Variants in MTHFD1L observed in about 807,000 individuals in gnomAD.
MTHFD1L encodes the protein monofunctional C1-tetrahydrofolate synthase, mitochondrial.
In MTHFD1L, 81 loss-of-function variants were observed where a neutral mutation model predicts 119.5. The observed-to-expected ratio is 0.68, with a 90% CI of 0.57 to 0.82. The LOEUF is 0.82. MTHFD1L is among the 40% of genes least tolerant of loss of function. The pLI, the probability that MTHFD1L is intolerant of heterozygous loss-of-function variation, is 0.00. For missense variants in MTHFD1L, 1,125 were observed against 1,253.4 expected (o/e 0.90, Z 1.55); for synonymous variants, 430 against 475.2 (o/e 0.90, Z 1.24).
intron 13 of MTHFD1L, among the ~76,000 whole-genome samples, chr6:150,941,863 A>G (rs1210520535): frequency 6.6e-6 from 1 of 152,198 alleles, no homozygotes; most frequent in South Asian, 2.1e-4. Flanking sequence ...CTTACATTCC[A>G]GTTGTGAAAT....
intron 17 of MTHFD1L, among the ~76,000 whole-genome samples, chr6:150,957,021 A>G (rs1795747292): frequency 6.6e-6 from 1 of 152,218 alleles, no homozygotes; most frequent in Admixed American, 6.5e-5. Context: ...AATTAGATTG[A>G]TGATTAAAAG....
At chr6:150,919,195 A>C (rs1199014006) in intron 9 of MTHFD1L, among the ~76,000 whole-genome samples, 1 of 151,344 alleles carries the variant, frequency 6.6e-6, no homozygotes, top group Non-Finnish European at 1.5e-5. Flanking sequence ...TGGTTAACTT[A>C]GAAAGAAAAC....
intron 20 of MTHFD1L, among the ~76,000 whole-genome samples, chr6:150,978,655 GCC>G (rs1257810973): frequency 6.6e-6 from 1 of 152,054 alleles, no homozygotes; most frequent in African/African-American, 2.4e-5. Context: ...CATTAAAAAC[GCC>G]CCCGTTTCTG....
Position 150,971,972 on chromosome 6 carries a change from G to A in MTHFD1L, c.2039G>A (p.Gly680Asp). Residue 680 changes from glycine to aspartate, a missense_variant, in exon 20 of 28, where the codon GGC becomes GAC. Transcript: ENST00000367321. ...LEGTPVFVHAGPFANIAHGNS... is the reference protein window; with the variant it reads ...LEGTPVFVHADPFANIAHGNS... The stretch of plus-strand genomic sequence containing the variant: ...GGGACACCTGTGTTCGTGCATGCGG[G>A]CCCTTTTGCTAACATTGCTCACGGC... 1 of 1,614,124 alleles carries A rather than the reference G, an allele frequency of 6.2e-7. No individual in the cohort carries two copies. Among genetic ancestry groups the A allele is most frequent in the East Asian group, 2.2e-5 (1 of 44,884 alleles).
intron 1 of MTHFD1L, chr6:150,866,329 C>A (rs1156651579): frequency 6.9e-7 from 1 of 1,454,624 alleles, no homozygotes. Context: ...GCACGCCCGG[C>A]TCCACGTGCG....
At chr6:151,004,248 G>C (rs548352786) in intron 20 of MTHFD1L, among the ~76,000 whole-genome samples, 1 of 151,896 alleles carries the variant, frequency 6.6e-6, no homozygotes, top group Non-Finnish European at 1.5e-5. Context: ...TCACTTGAAC[G>C]TGGGAGGCGG....
intron 24 of MTHFD1L, chr6:151,016,745 A>G (rs577180090): frequency 2.3e-5 from 8 of 354,688 alleles, no homozygotes; most frequent in Admixed American, 1.9e-4. Flanking sequence ...AAATATATAT[A>G]TAACAAAATT....
intron 11 of MTHFD1L, among the ~76,000 whole-genome samples, chr6:150,930,440 A>G (rs889378457): frequency 6.6e-6 from 1 of 152,182 alleles, no homozygotes; most frequent in Admixed American, 6.5e-5. Flanking sequence ...CATTAAATGG[A>G]GAATTATTTC....
At chr6:151,022,404 G>A in intron 24 of MTHFD1L, 1 of 189,988 alleles carries the variant, frequency 5.3e-6, no homozygotes, top group Non-Finnish European at 1.1e-5. Flanking sequence ...CTTCCATTGT[G>A]GTAAAAATAT....
chr6:151,045,366 G>A (rs1562589235), intron 26 of MTHFD1L, among the ~76,000 whole-genome samples: 1 of 152,060 alleles, frequency 6.6e-6, no homozygotes, highest in Non-Finnish European at 1.5e-5. Context: ...ACCTCCGCAG[G>A]GAGCATCTTG....
intron 18 of MTHFD1L, among the ~76,000 whole-genome samples, chr6:150,964,025 C>T (rs770472022): frequency 1.3e-5 from 2 of 152,094 alleles, no homozygotes; most frequent in Non-Finnish European, 2.9e-5. Context: ...AAAAATTAGC[C>T]GTGTGTGGTG....
chr6:150,916,450 A>G lies in MTHFD1L; in HGVS notation c.893-2127A>G, dbSNP rs1250325057. ...CTAGTAGCTGGGATCACAGGTGTGC[A>G]CCACCACGCCCAGCTAATTTTTTTT... On this transcript the variant is annotated intron_variant, in intron 8 of 27. Transcript: ENST00000367321. 7.5e-5 allele frequency among the ~76,000 whole-genome samples: 10 copies of G among 132,598 alleles called. No homozygotes were observed. In the South Asian group the frequency reaches 2.2e-3, roughly 29 times the overall value. 87.0% of individuals were successfully genotyped at this position (132,598 alleles called of 152,430 possible).
intron 16 of MTHFD1L, among the ~76,000 whole-genome samples, chr6:150,952,232 G>A (rs1794968065): frequency 6.6e-6 from 1 of 152,136 alleles, no homozygotes; most frequent in Non-Finnish European, 1.5e-5. Context: ...AAGCTACCTG[G>A]GTCAGAGGAA....
intron 26 of MTHFD1L, among the ~76,000 whole-genome samples, chr6:151,060,375 G>A (rs1790473008): frequency 6.6e-6 from 1 of 152,176 alleles, no homozygotes; most frequent in Admixed American, 6.5e-5. Context: ...GAGGAGTGCT[G>A]GGTACTAGGC....
At chr6:151,023,766 C>T (rs1243845270) in intron 24 of MTHFD1L, among the ~76,000 whole-genome samples, 4 of 152,140 alleles carry the variant, frequency 2.6e-5, no homozygotes, top group Non-Finnish European at 5.9e-5. Flanking sequence ...CTAGAAATGC[C>T]TTATTTCATC....
intron 15 of MTHFD1L, among the ~76,000 whole-genome samples, chr6:150,946,022 C>A (rs1793882771): frequency 1.3e-5 from 2 of 152,120 alleles, no homozygotes; most frequent in Admixed American, 1.3e-4. Flanking sequence ...AAAAAAATAA[C>A]AAATTAGAAT....
chr6:151,058,391 A>T (rs879471730), intron 26 of MTHFD1L, among the ~76,000 whole-genome samples: 7 of 152,196 alleles, frequency 4.6e-5, no homozygotes, highest in African/African-American at 1.7e-4. Context: ...CAAAGGCTGC[A>T]TTTCTGATCT....
At position 151,092,607 on chromosome 6, in the gene MTHFD1L, C is replaced by A; in HGVS notation, c.*31+20C>A. 1 of 1,447,248 alleles carries A rather than the reference C, an allele frequency of 6.9e-7. No individual in the cohort carries two copies. The highest frequency in any genetic ancestry group is 9.5e-7 in the Non-Finnish European group (1 of 1,048,562). 89.7% of individuals were successfully genotyped at this position (1,447,248 alleles called of 1,614,324 possible). A position where few individuals can be genotyped will look rare whatever the true frequency, so the allele number is the denominator to read the frequency against. ...ATGCAGGTAGGCTGATGTGCTTCAA[C>A]TTTTTCTCTCTTTGTTTTTTTCCAG... On this transcript the variant is annotated intron_variant, in intron 27 of 27. Transcript: ENST00000367321.
At chr6:150,899,468 T>A (rs1053867561) in intron 7 of MTHFD1L, among the ~76,000 whole-genome samples, 4 of 152,234 alleles carry the variant, frequency 2.6e-5, no homozygotes, top group Admixed American at 2.6e-4. Flanking sequence ...TGTCATCCCC[T>A]TATCTTGCCA....
Sources: allele counts gnomAD v4.1 joint callset (sites outside exome capture counted in the v4.1 genomes callset), GRCh38; gene constraint gnomAD v4.1.1; transcripts MANE v1.5; gene names NCBI Gene and HGNC (gene_info 2026-07-23, HGNC 2026-07-21).